Variants in GOLGA1 observed in about 807,000 individuals in gnomAD.
GOLGA1 encodes golgin subfamily A member 1.
A neutral mutation model predicts 119.7 loss-of-function variants in GOLGA1; 63 were observed. The ratio of observed to expected loss-of-function variants is 0.53; its 90% confidence interval spans 0.43 to 0.65. The LOEUF (loss-of-function observed/expected upper bound fraction) is 0.65, where lower values mean the gene tolerates loss of function less well. Ranked by LOEUF, GOLGA1 falls within the 30% of genes least tolerant of loss-of-function variation. The pLI is 0.00. For missense variants in GOLGA1, 798 were observed against 912.8 expected (o/e 0.87, Z 1.62); for synonymous variants, 318 against 333.4 (o/e 0.95, Z 0.50).
chr9:124,913,592 G>A (rs745420904), intron 10 of GOLGA1, among the ~76,000 whole-genome samples: 88 of 152,204 alleles, frequency 5.8e-4, no homozygotes, highest in Admixed American at 2.0e-3. Context: ...AATTCTCACA[G>A]GTGGACAACA....
At chr9:124,921,046 A>G in intron 10 of GOLGA1, 83 bp downstream of exon 10, 2 of 826,582 alleles carry the variant, frequency 2.4e-6, no homozygotes, top group Middle Eastern at 4.4e-4. Flanking sequence ...TATGTTCAGT[A>G]GCTACTCTCA....
upstream of GOLGA1, chr9:124,943,438 TC>T (rs1465469448): frequency 6.6e-6 from 1 of 152,208 alleles, no homozygotes; most frequent in Non-Finnish European, 1.5e-5. Context: ...CCAAATAGCT[TC>T]ATTATTTGCA....
At position 124,892,888 on chromosome 9, in the gene GOLGA1, C is replaced by T. The variant is rs182593912; in HGVS notation, c.1408-2410G>A. ...CGGAGGTTGCAGTGAGCCGAGATCA[C>T]GCCATTGCACTCCAGCCTGGGCAAC... On this transcript the variant is annotated intron_variant, in intron 15 of 22. Coordinates refer to ENST00000373555, the MANE Select transcript of GOLGA1 (RefSeq NM_002077.4). Among the ~76,000 whole-genome samples the T allele has an allele frequency of 3.6e-3, 536 of 149,260 alleles. 3 individuals carry two copies. The highest frequency in any genetic ancestry group is 0.012 in the African/African-American group (503 of 40,444).
chr9:124,921,169 A>T lies in GOLGA1; in HGVS notation c.803T>A (p.Leu268His). Residue 268 changes from leucine to histidine, a missense_variant, in exon 10 of 23, where the codon CTC becomes CAC. Transcript: ENST00000373555. ...ITALEQKEQELQALIQQLSID... is the reference protein window; with the variant it reads ...ITALEQKEQEHQALIQQLSID... ...GGAAAGCTGCTGAATGAGTGCTTGGAGCTCTTGTTCCTTTTGTTCCAGGGC... is the reference window on the plus strand; with the variant it reads ...GGAAAGCTGCTGAATGAGTGCTTGGTGCTCTTGTTCCTTTTGTTCCAGGGC... 1 of 1,612,508 alleles carries T rather than the reference A, an allele frequency of 6.2e-7. No homozygotes were observed. Among genetic ancestry groups the T allele is most frequent in the Non-Finnish European group, 8.5e-7 (1 of 1,178,486 alleles).
chr9:124,890,406 C>G lies in GOLGA1; in HGVS notation c.1480G>C (p.Glu494Gln). ...GGGCCCACCTGTTGCTGGAACTCTT[C>G]CCTTTGCTTCCGCACCTCCTCCAGG... ...QALEEVRKQR[E>Q]EFQQQAANLT... The change falls in exon 16 of 23, where the codon GAA becomes CAA. Residue 494 changes from glutamate (E) to glutamine (Q), a missense_variant. Physicochemically the swap from Glu to Gln is conservative, Grantham distance 29. Transcript: ENST00000373555. 6.2e-7 allele frequency: 1 copy of G among 1,612,700 alleles called. No homozygotes were observed. Among genetic ancestry groups the G allele is most frequent in the Non-Finnish European group, 8.5e-7 (1 of 1,178,654 alleles).
intron 19 of GOLGA1, among the ~76,000 whole-genome samples, chr9:124,886,187 G>A (rs12683961): frequency 3.9e-4 from 59 of 152,332 alleles, no homozygotes; most frequent in East Asian, 1.7e-3. Flanking sequence ...GCTAGTGTCC[G>A]TGGAGCTGTC....
chr9:124,884,065 G>A (rs1030481521), intron 19 of GOLGA1, among the ~76,000 whole-genome samples: 3 of 151,338 alleles, frequency 2.0e-5, no homozygotes, highest in Admixed American at 6.6e-5. Context: ...AGGCTGGAGT[G>A]CAGTGGCACG....
intron 16 of GOLGA1, 43 bp downstream of exon 16, chr9:124,890,346 G>A (rs767741513): frequency 7.6e-7 from 1 of 1,309,658 alleles, no homozygotes; most frequent in African/African-American, 1.4e-5. Context: ...CTGCCTGTGG[G>A]ACTGCAGGGG....
At chr9:124,932,078 G>C (rs553373055) in intron 3 of GOLGA1, among the ~76,000 whole-genome samples, 2 of 152,154 alleles carry the variant, frequency 1.3e-5, no homozygotes, top group African/African-American at 2.4e-5. Context: ...GAAAGGGAGA[G>C]AGATTGGTCT....
chr9:124,915,994 C>T (rs868842778), intron 10 of GOLGA1, among the ~76,000 whole-genome samples: 6 of 149,708 alleles, frequency 4.0e-5, no homozygotes, highest in African/African-American at 7.4e-5. Context: ...CCCAGCTACT[C>T]GGGATGCTGA....
rs527556722 is a variant in GOLGA1, at chr9:124,929,223, G to A, written c.294C>T (p.His98=). 5 of 1,586,812 alleles carry A rather than the reference G, an allele frequency of 3.2e-6. No homozygotes were observed. The highest frequency in any genetic ancestry group is 2.2e-5 in the South Asian group (2 of 90,530). The change falls in exon 5 of 23, where the codon CAC becomes CAT. Residue 98 remains histidine, a synonymous_variant. Transcript: ENST00000373555. ...KEKLEIALEK[H]QDSSMRKFQE... is the part of the protein sequence containing the mutation. Reference sequence around the variant, plus strand: ...CAGGAAAAAAATACGTACAATCCTGGTGTTTTTCTAATGCAATTTCAAGCT... The same window carrying A: ...CAGGAAAAAAATACGTACAATCCTGATGTTTTTCTAATGCAATTTCAAGCT...
At chr9:124,887,690 A>G (rs1177287730) in intron 19 of GOLGA1, 2 of 153,602 alleles carry the variant, frequency 1.3e-5, no homozygotes, top group Non-Finnish European at 2.9e-5. Flanking sequence ...CGGCTGGCAC[A>G]CTAAGCTTCA....
intron 10 of GOLGA1, among the ~76,000 whole-genome samples, chr9:124,914,362 G>A (rs1234204818): frequency 2.6e-5 from 4 of 152,168 alleles, no homozygotes; most frequent in South Asian, 2.1e-4. Flanking sequence ...TTAGCCGGAC[G>A]TGGTGGCAGG....
Position 124,904,287 on chromosome 9 carries a change from T to C in GOLGA1, c.1066-3740A>G, listed in dbSNP as rs1053810761. 5.9e-5 allele frequency among the ~76,000 whole-genome samples: 9 copies of C among 151,998 alleles called. 1 individual carries two copies. The highest frequency in any genetic ancestry group is 2.0e-4 in the Admixed American group (3 of 15,242). ...GGTTCCCAGACTGGGGTAGGAGGAA[T>C]TGGGGAGTTACTGTTTAATAAGTAT... is the stretch of plus-strand genomic sequence containing the variant. On this transcript the variant is annotated intron_variant, in intron 12 of 22. Coordinates refer to ENST00000373555, the MANE Select transcript of GOLGA1 (RefSeq NM_002077.4).
At chr9:124,933,868 A>G (rs577862692) in intron 3 of GOLGA1, among the ~76,000 whole-genome samples, 5 of 151,942 alleles carry the variant, frequency 3.3e-5, no homozygotes, top group Non-Finnish European at 5.9e-5. Context: ...AGCATGTCCT[A>G]TGTAATTCCA....
Position 124,938,753 on chromosome 9 carries a change from T to A in GOLGA1, c.-42A>T. The A allele has an allele frequency of 6.3e-7, 1 of 1,576,676 alleles. No homozygotes were observed. Among genetic ancestry groups the A allele is most frequent in the Non-Finnish European group, 8.6e-7 (1 of 1,157,190 alleles). Reference sequence around the variant, plus strand: ...TCCTGCACAGATGACGAGCTCTCAGTAGTCCTGGTGCCTGTGTTCAGGATT... The same window carrying A: ...TCCTGCACAGATGACGAGCTCTCAGAAGTCCTGGTGCCTGTGTTCAGGATT... On this transcript the variant is annotated 5_prime_UTR_variant, in exon 3 of 23. Transcript: ENST00000373555.
At chr9:124,918,569 G>A (rs2131476172) in intron 10 of GOLGA1, among the ~76,000 whole-genome samples, 1 of 152,216 alleles carries the variant, frequency 6.6e-6, no homozygotes, top group South Asian at 2.1e-4. Context: ...TTCAAGACCA[G>A]CCTGGCCAAC....
At chr9:124,905,457 C>T (rs560598777) in intron 12 of GOLGA1, among the ~76,000 whole-genome samples, 3 of 152,016 alleles carry the variant, frequency 2.0e-5, no homozygotes, top group African/African-American at 4.8e-5. Flanking sequence ...GAGACTCTGC[C>T]TCAAATAAAT....
At chr9:124,918,189 C>A (rs930496390) in intron 10 of GOLGA1, among the ~76,000 whole-genome samples, 1 of 152,062 alleles carries the variant, frequency 6.6e-6, no homozygotes, top group Admixed American at 6.6e-5. Flanking sequence ...CACTAAATCT[C>A]GTAGTTTTCT....
Sources: gnomAD v4.1 joint callset for allele counts (sites outside exome capture counted in the v4.1 genomes callset) on GRCh38, gnomAD v4.1.1 for gene constraint, MANE v1.5 for transcripts, NCBI Gene and HGNC (gene_info 2026-07-23, HGNC 2026-07-21) for gene names.